Variants in TENM4 observed in about 807,000 individuals in gnomAD.
TENM4 encodes the protein teneurin transmembrane protein 4, also known as teneurin-4.
A neutral mutation model predicts 243.3 loss-of-function variants in TENM4; 82 were observed. That is an observed-to-expected ratio of 0.34 (90% CI 0.28 to 0.40). The LOEUF is 0.40. Ranked by LOEUF, TENM4 falls within the 10% of genes least tolerant of loss-of-function variation. TENM4 has a pLI of 1.00. For missense variants in TENM4, 3,138 were observed against 3,673.3 expected, an observed-to-expected ratio of 0.85 and a Z score of 3.77; for synonymous variants, 1,412 against 1,456.3, an observed-to-expected ratio of 0.97 and a Z score of 0.69.
chr11:78,739,189 C>T (rs921523859), intron 19 of TENM4, among the ~76,000 whole-genome samples: 9 of 152,112 alleles, frequency 5.9e-5, no homozygotes, highest in Non-Finnish European at 1.0e-4. Flanking sequence ...CCCAATATCC[C>T]TCCTCCCACT....
chr11:78,903,680 G>A, intron 6 of TENM4, 157 bp from the exon 7 acceptor site: 1 of 1,217,226 alleles, frequency 8.2e-7, no homozygotes, highest in Non-Finnish European at 1.2e-6. Flanking sequence ...GTTGTTTATT[G>A]AGCACCTACC....
At chr11:78,690,998 T>C (rs530253508) in intron 28 of TENM4, among the ~76,000 whole-genome samples, 29 of 152,330 alleles carry the variant, frequency 1.9e-4, no homozygotes, top group African/African-American at 7.0e-4. Flanking sequence ...CAGATAAGAA[T>C]TGATAGATTG....
intron 1 of TENM4, among the ~76,000 whole-genome samples, chr11:79,369,809 C>T (rs1177364850): frequency 2.0e-5 from 3 of 152,194 alleles, no homozygotes; most frequent in African/African-American, 7.2e-5. Context: ...GATTTCACAG[C>T]TCTGAGTAGA....
chr11:78,834,802 G>A (rs910584181), intron 12 of TENM4, among the ~76,000 whole-genome samples: 7 of 152,154 alleles, frequency 4.6e-5, no homozygotes, highest in African/African-American at 1.4e-4. Context: ...CATGTGAGAT[G>A]AGGGAGGAAA....
chr11:79,261,150 G>A (rs141514120), intron 2 of TENM4, among the ~76,000 whole-genome samples: 42 of 152,316 alleles, frequency 2.8e-4, no homozygotes, highest in African/African-American at 1.0e-3. Flanking sequence ...TTTCTGACCT[G>A]AGCCATGGAG....
chr11:79,169,476 C>G (rs1190798583), intron 3 of TENM4, among the ~76,000 whole-genome samples: 2 of 152,120 alleles, frequency 1.3e-5, no homozygotes, highest in Non-Finnish European at 2.9e-5. Flanking sequence ...TCTTGGAATC[C>G]TTCCTCTTCC....
At chr11:79,319,341 G>T (rs934684562) in intron 1 of TENM4, among the ~76,000 whole-genome samples, 1 of 152,134 alleles carries the variant, frequency 6.6e-6, no homozygotes, top group African/African-American at 2.4e-5. Context: ...TCTATTTCCA[G>T]TTACAGGTTT....
chr11:79,094,183 T>C (rs774800964), intron 4 of TENM4, among the ~76,000 whole-genome samples: 1 of 151,974 alleles, frequency 6.6e-6, no homozygotes, highest in Non-Finnish European at 1.5e-5. Flanking sequence ...ACAGCAAGCA[T>C]GGGTTTTGGG....
intron 28 of TENM4, 74 bp downstream of exon 28, chr11:78,701,452 T>G: frequency 1.4e-6 from 2 of 1,458,050 alleles, no homozygotes; most frequent in South Asian, 2.9e-5. Context: ...AATAAAATAC[T>G]CGATCAATTT....
At chr11:78,851,826 T>C (rs1463034067) in intron 12 of TENM4, among the ~76,000 whole-genome samples, 1 of 152,192 alleles carries the variant, frequency 6.6e-6, no homozygotes, top group Admixed American at 6.5e-5. Context: ...AGCCTTAATG[T>C]CACCAGTGAC....
chr11:79,348,951 C>T (rs1346787301), intron 1 of TENM4, among the ~76,000 whole-genome samples: 3 of 152,152 alleles, frequency 2.0e-5, no homozygotes, highest in Admixed American at 1.3e-4. Flanking sequence ...TCGTTTTTAT[C>T]GAAGTGCCTA....
intron 3 of TENM4, among the ~76,000 whole-genome samples, chr11:79,168,144 G>C (rs778458467): frequency 6.6e-6 from 1 of 152,232 alleles, no homozygotes; most frequent in African/African-American, 2.4e-5. Flanking sequence ...TCTGAGTAAA[G>C]GGGATAGAAC....
chr11:78,991,988 A>C (rs1858058100), intron 6 of TENM4, among the ~76,000 whole-genome samples: 1 of 152,206 alleles, frequency 6.6e-6, no homozygotes, highest in Non-Finnish European at 1.5e-5. Context: ...TAAGGCTGGG[A>C]CAACTATGGA....
intron 1 of TENM4, among the ~76,000 whole-genome samples, chr11:79,400,432 G>A (rs576981185): frequency 7.2e-5 from 11 of 151,950 alleles, no homozygotes; most frequent in South Asian, 4.2e-4. Flanking sequence ...TTGTGCCTTC[G>A]GGGCTAAACT....
intron 2 of TENM4, among the ~76,000 whole-genome samples, chr11:79,217,572 C>T (rs1180190000): frequency 6.6e-6 from 1 of 152,104 alleles, no homozygotes; most frequent in East Asian, 1.9e-4. Context: ...ATTTTGTTGT[C>T]TTCATCTACA....
chr11:79,342,717 C>T lies in TENM4; in HGVS notation c.-320-45174G>A, dbSNP rs183742871. Among the ~76,000 whole-genome samples the T allele has an allele frequency of 6.0e-3, 920 of 152,148 alleles. 2 individuals carry two copies. Among genetic ancestry groups the T allele is most frequent in the Non-Finnish European group, 0.011 (729 of 67,988 alleles). On this transcript the variant is annotated intron_variant, in intron 1 of 33. Coordinates refer to ENST00000278550, the MANE Select transcript of TENM4 (RefSeq NM_001098816.3). ...CAGGCATGAGTATTTTTTGAAGCTT[C>T]CTAGGTGATTCCAAAGTCCAGGTGA...
chr11:79,153,619 T>G (rs768554930), intron 3 of TENM4, among the ~76,000 whole-genome samples: 1 of 152,156 alleles, frequency 6.6e-6, no homozygotes, highest in Non-Finnish European at 1.5e-5. Flanking sequence ...CCAGGCAGTG[T>G]GGGAAACCGA....
chr11:78,826,076 CTTTTTTTTTT>C (rs59565048), intron 12 of TENM4, among the ~76,000 whole-genome samples: 215 of 115,410 alleles, frequency 1.9e-3, no homozygotes, highest in African/African-American at 7.7e-3. Context: ...AATCCCCCTC[CTTTTTTTTTT>C]TTTTTTTTTT....
chr11:78,819,505 A>C (rs1157530827), intron 12 of TENM4, among the ~76,000 whole-genome samples: 3 of 152,154 alleles, frequency 2.0e-5, no homozygotes, highest in Non-Finnish European at 4.4e-5. Flanking sequence ...TAATATCAGT[A>C]AAGGGAAGGC....
Sources: gnomAD v4.1 joint callset for allele counts (sites outside exome capture counted in the v4.1 genomes callset) on GRCh38, gnomAD v4.1.1 for gene constraint, MANE v1.5 for transcripts, NCBI Gene and HGNC (gene_info 2026-07-23, HGNC 2026-07-21) for gene names.